Variants in RRP12 observed in about 807,000 individuals in gnomAD.
RRP12 encodes RRP12-like protein.
RRP12 carries 78 observed loss-of-function variants against 157.3 expected under a neutral mutation model. The observed-to-expected ratio is 0.50, with a 90% CI of 0.41 to 0.60. RRP12 has a LOEUF of 0.60. Ranked by LOEUF, RRP12 falls within the 20% of genes least tolerant of loss-of-function variation. The pLI is 0.00. For synonymous variants in RRP12, 726 were observed against 670.9 expected (o/e 1.08, Z -1.27); for missense variants, 1,521 against 1,679.9 (o/e 0.91, Z 1.65).
intron 3 of RRP12, among the ~76,000 whole-genome samples, chr10:97,394,796 A>C (rs1377547895): frequency 1.3e-5 from 2 of 152,212 alleles, no homozygotes; most frequent in Non-Finnish European, 2.9e-5. Flanking sequence ...TTGCATGCAC[A>C]CTTGGTCTCT....
Position 97,393,334 on chromosome 10 carries a change from GC to G in RRP12, c.530+349del, listed in dbSNP as rs1170790445. 2.4e-5 allele frequency: 11 copies of G among 458,194 alleles called. No homozygotes were observed. In the East Asian group the frequency reaches 4.8e-4, roughly 20 times the overall value. The allele number at this position is 458,194 out of a possible 1,614,324, so 28.4% of individuals were successfully genotyped here. A position where few individuals can be genotyped will look rare whatever the true frequency, so the allele number is the denominator to read the frequency against. On this transcript the variant is annotated intron_variant, in intron 4 of 33. Coordinates refer to ENST00000370992, the MANE Select transcript of RRP12 (RefSeq NM_015179.4). Reference sequence around the variant, plus strand: ...GAAGCACTGCAGGCCCTATAGACATGCCTTTTGTTTTGGACTATCAAATAAC... The same window carrying G: ...GAAGCACTGCAGGCCCTATAGACATGCTTTTGTTTTGGACTATCAAATAAC...
At chr10:97,384,097 C>T (rs892447271) in intron 10 of RRP12, among the ~76,000 whole-genome samples, 5 of 152,164 alleles carry the variant, frequency 3.3e-5, no homozygotes, top group African/African-American at 1.2e-4. Flanking sequence ...AGGACGGAGG[C>T]CCTGAGCACC....
chr10:97,393,411 C>T (rs994916945), intron 4 of RRP12: 23 of 601,678 alleles, frequency 3.8e-5, no homozygotes, highest in Non-Finnish European at 6.6e-5. Context: ...GGACACACAC[C>T]ACGTGAAGAT....
At chr10:97,366,385 CT>C (rs1024047770) in intron 28 of RRP12, 60 bp downstream of exon 28, 1 of 1,561,084 alleles carries the variant, frequency 6.4e-7, no homozygotes, top group African/African-American at 1.4e-5. Context: ...TACCCACCAC[CT>C]GAGAACCTGG....
intron 10 of RRP12, 87 bp from the exon 11 acceptor site, chr10:97,381,913 T>C: frequency 1.1e-6 from 1 of 885,494 alleles, no homozygotes; most frequent in Non-Finnish European, 1.8e-6. Context: ...GGCCCAGCTC[T>C]GAAAACAGTC....
At chr10:97,377,205 A>G (rs1327618927) in intron 15 of RRP12, among the ~76,000 whole-genome samples, 1 of 151,856 alleles carries the variant, frequency 6.6e-6, no homozygotes, top group Admixed American at 6.6e-5. Flanking sequence ...TTCTATCACA[A>G]TAACTCTGTC....
chr10:97,384,563 C>T (rs763727139), intron 10 of RRP12, among the ~76,000 whole-genome samples: 7 of 148,800 alleles, frequency 4.7e-5, no homozygotes, highest in Admixed American at 1.3e-4. Context: ...CCCCCAACCT[C>T]AGCTGCCTGG....
At chr10:97,386,124 C>A in intron 8 of RRP12, 131 bp from the exon 9 acceptor site, 2 of 605,572 alleles carry the variant, frequency 3.3e-6, no homozygotes, top group South Asian at 4.1e-5. Context: ...CACAGAGACA[C>A]CCTGAGGACT....
chr10:97,389,180 G>A (rs1844726302), intron 6 of RRP12, among the ~76,000 whole-genome samples: 1 of 152,136 alleles, frequency 6.6e-6, no homozygotes, highest in African/African-American at 2.4e-5. Context: ...TGCAAGCTCC[G>A]CCTCCCAGGT....
Position 97,401,215 on chromosome 10 carries a change from T to G in RRP12, c.17A>C (p.Lys6Thr). Residue 6 changes from lysine (K) to threonine (T), a missense_variant, in exon 1 of 34, where the codon AAG (lysine) becomes ACG (threonine). By Grantham distance (78) the Lys-to-Thr change is moderately conservative. Coordinates refer to ENST00000370992, the MANE Select transcript of RRP12 (RefSeq NM_015179.4). ...CTTAGCTGAGACACCAGAAGGCAAC[T>G]TTCCCGAGCGACCCATGTTGACTAA... is the stretch of plus-strand genomic sequence containing the variant. MGRSGKLPSGVSAKLK... is the reference protein window; with the variant it reads MGRSGTLPSGVSAKLK... The G allele has an allele frequency of 1.2e-6, 2 of 1,614,168 alleles. No individual in the cohort carries two copies. Among genetic ancestry groups the G allele is most frequent in the Non-Finnish European group, 1.7e-6 (2 of 1,180,018 alleles).
rs565649412 is a variant in RRP12 at position 97,391,692 on chromosome 10, C to T, written c.531-848G>A. ...ATCCCAGCAGTTTGGGAGGCCGAGGCGGGTGGATCATGAGGTCAGGAGATC... is the reference window on the plus strand; with the variant it reads ...ATCCCAGCAGTTTGGGAGGCCGAGGTGGGTGGATCATGAGGTCAGGAGATC... On this transcript the variant is annotated intron_variant, in intron 4 of 33. Coordinates refer to ENST00000370992, the MANE Select transcript of RRP12 (RefSeq NM_015179.4). 4.8e-3 allele frequency among the ~76,000 whole-genome samples: 735 copies of T among 152,254 alleles called. 3 individuals carry two copies. The highest frequency in any genetic ancestry group is 8.1e-3 in the Non-Finnish European group (553 of 67,998).
chr10:97,388,408 C>T, intron 7 of RRP12, 29 bp from the exon 8 acceptor site: 3 of 1,612,980 alleles, frequency 1.9e-6, no homozygotes, highest in Non-Finnish European at 2.5e-6. Flanking sequence ...ATTGAGACAC[C>T]AGCCCCGCCC....
intron 3 of RRP12, 92 bp from the exon 4 acceptor site, chr10:97,393,852 T>G: frequency 1.9e-6 from 2 of 1,051,150 alleles, no homozygotes; most frequent in South Asian, 2.7e-5. Context: ...AGCAGAACAG[T>G]TGTGACTGAG....
rs142063548 is a variant in RRP12, at chr10:97,388,584, T to G, written c.794A>C (p.Lys265Thr). The G allele has an allele frequency of 1.2e-6, 2 of 1,614,180 alleles. No individual in the cohort carries two copies. Among genetic ancestry groups the G allele is most frequent in the Non-Finnish European group, 1.7e-6 (2 of 1,180,024 alleles). ...AAQHGVCSVL[K>T]GSEFMFEKAP... The stretch of plus-strand genomic sequence containing the variant: ...CTTTTCAAACATGAATTCACTGCCC[T>G]TGAGGACTGAGCATACTCCATGCTG... The change falls in exon 7 of 34, where the codon AAG (lysine) becomes ACG (threonine). Residue 265 changes from lysine (K) to threonine (T), a missense_variant. Physicochemically the swap from Lys to Thr is moderately conservative, Grantham distance 78. Transcript: ENST00000370992.
chr10:97,369,459 T>C lies in RRP12; in HGVS notation c.2921A>G (p.Asp974Gly), dbSNP rs1269584853. Reference sequence around the variant, plus strand: ...CACATGTTTGGCCAGGTGCGCCACGTCCATGACAGTCACTGCCACCTTGAT... The same window carrying C: ...CACATGTTTGGCCAGGTGCGCCACGCCCATGACAGTCACTGCCACCTTGAT... ...GFIKVAVTVM[D>G]VAHLAKHVQL... Residue 974 changes from aspartate to glycine, a missense_variant, in exon 25 of 34, where the codon GAC (aspartate) becomes GGC (glycine). Physicochemically the swap from Asp to Gly is moderately conservative, Grantham distance 94. Coordinates refer to ENST00000370992, the MANE Select transcript of RRP12 (RefSeq NM_015179.4). 9.9e-6 allele frequency: 16 copies of C among 1,612,354 alleles called. No homozygotes were observed. Among genetic ancestry groups the C allele is most frequent in the Non-Finnish European group, 1.4e-5 (16 of 1,179,374 alleles).
intron 4 of RRP12, among the ~76,000 whole-genome samples, chr10:97,391,687 C>T (rs555235254): frequency 2.0e-5 from 3 of 152,096 alleles, no homozygotes; most frequent in Admixed American, 6.6e-5. Flanking sequence ...TTTGGGAGGC[C>T]GAGGCGGGTG....
At chr10:97,374,734 T>C (rs967398451) in intron 15 of RRP12, among the ~76,000 whole-genome samples, 1 of 139,752 alleles carries the variant, frequency 7.2e-6, no homozygotes. Context: ...ATCGTGCTAT[T>C]GCACAACAGC....
At position 97,370,476 on chromosome 10, in the gene RRP12, T is replaced by G. The variant is rs1257846478; in HGVS notation, c.2668A>C (p.Arg890=). ...TCACCTTCCTGGTTCGAGCCAAACC[T>G]TAGGAAAGCATGGCCCATCTCCACG... is the stretch of plus-strand genomic sequence containing the variant. ...LLVEMGHAFL[R]FGSNQEEALQ... is the part of the protein sequence containing the mutation. Residue 890 remains arginine (R), a synonymous_variant, in exon 23 of 34, where the codon AGG becomes CGG. Transcript: ENST00000370992. The G allele has an allele frequency of 6.2e-7, 1 of 1,607,200 alleles. No homozygotes were observed. Among genetic ancestry groups the G allele is most frequent in the African/African-American group, 1.3e-5 (1 of 74,212 alleles).
At chr10:97,398,752 T>C (rs1385376480) in intron 2 of RRP12, among the ~76,000 whole-genome samples, 2 of 152,138 alleles carry the variant, frequency 1.3e-5, no homozygotes, top group African/African-American at 2.4e-5. Flanking sequence ...TCGTAGTAAT[T>C]CATAGTAGGC....
Sources: allele counts gnomAD v4.1 joint callset (sites outside exome capture counted in the v4.1 genomes callset), GRCh38; gene constraint gnomAD v4.1.1; transcripts MANE v1.5; gene names NCBI Gene and HGNC (gene_info 2026-07-23, HGNC 2026-07-21).